The following LHFPL6 variants were observed in gnomAD, a reference collection of about 807,000 sequenced individuals.
The protein encoded by LHFPL6 is LHFPL tetraspan subfamily member 6.
In LHFPL6, 9 loss-of-function variants were observed where a neutral mutation model predicts 20.6. That is an observed-to-expected ratio of 0.44 (90% confidence interval 0.26 to 0.76). The LOEUF (loss-of-function observed/expected upper bound fraction) is 0.76, where lower values mean the gene tolerates loss of function less well. Among genes scored for constraint, LHFPL6 ranks in the 30% least tolerant of loss-of-function variants. The pLI is 0.20. For synonymous variants in LHFPL6, 105 were observed against 98.7 expected (o/e 1.06, Z -0.38); for missense variants, 218 against 253.5 (o/e 0.86, Z 0.95).
chr13:39,411,083 CAT>C (rs1184563107), intron 2 of LHFPL6, among the ~76,000 whole-genome samples: 1 of 152,160 alleles, frequency 6.6e-6, no homozygotes, highest in African/African-American at 2.4e-5. Flanking sequence ...ATAATAAACA[CAT>C]GTCTGCACGG....
chr13:39,456,440 A>T (rs911394058), intron 2 of LHFPL6, among the ~76,000 whole-genome samples: 1 of 152,238 alleles, frequency 6.6e-6, no homozygotes, highest in South Asian at 2.1e-4. Context: ...CCTGGCTTGA[A>T]GGAAATTAAA....
chr13:39,471,800 T>C (rs977958946), intron 2 of LHFPL6, among the ~76,000 whole-genome samples: 2 of 152,218 alleles, frequency 1.3e-5, no homozygotes, highest in East Asian at 3.9e-4. Flanking sequence ...TTTATTCTTG[T>C]AGGAAAAAGC....
intron 2 of LHFPL6, among the ~76,000 whole-genome samples, chr13:39,428,967 G>A (rs1299390291): frequency 6.6e-6 from 1 of 152,058 alleles, no homozygotes; most frequent in Non-Finnish European, 1.5e-5. Context: ...AAATAATGCA[G>A]TACTTTTCAG....
intron 2 of LHFPL6, among the ~76,000 whole-genome samples, chr13:39,400,533 C>T (rs1371685707): frequency 6.6e-6 from 1 of 152,054 alleles, no homozygotes; most frequent in African/African-American, 2.4e-5. Context: ...CCTGTAATCC[C>T]AGCACTTTGG....
chr13:39,418,527 G>A (rs559687782), intron 2 of LHFPL6, among the ~76,000 whole-genome samples: 5 of 151,964 alleles, frequency 3.3e-5, no homozygotes, highest in South Asian at 4.2e-4. Flanking sequence ...TGCAAGTAGC[G>A]TCTGGGGGAA....
intron 2 of LHFPL6, among the ~76,000 whole-genome samples, chr13:39,579,221 G>A (rs920236752): frequency 6.6e-6 from 1 of 152,144 alleles, no homozygotes; most frequent in Non-Finnish European, 1.5e-5. Context: ...TAGGAGTGAG[G>A]CAGGCATGCA....
intron 2 of LHFPL6, among the ~76,000 whole-genome samples, chr13:39,573,336 C>T (rs1593369542): frequency 6.6e-6 from 1 of 151,884 alleles, no homozygotes; most frequent in African/African-American, 2.4e-5. Context: ...TCTTAGCCTT[C>T]GAAAGGAAGG....
At chr13:39,414,817 G>GA (rs1871309800) in intron 2 of LHFPL6, among the ~76,000 whole-genome samples, 1 of 152,128 alleles carries the variant, frequency 6.6e-6, no homozygotes, top group South Asian at 2.1e-4. Context: ...TTGGCATTTA[G>GA]ACCCCTAAGA....
chr13:39,453,856 A>G (rs1166884575), intron 2 of LHFPL6, among the ~76,000 whole-genome samples: 4 of 152,230 alleles, frequency 2.6e-5, no homozygotes, highest in African/African-American at 9.6e-5. Flanking sequence ...GTTAAGGAAA[A>G]GAAGAATCTA....
chr13:39,416,972 G>A (rs1871365452), intron 2 of LHFPL6, among the ~76,000 whole-genome samples: 1 of 152,090 alleles, frequency 6.6e-6, no homozygotes, highest in South Asian at 2.1e-4. Context: ...ACATGTTTTT[G>A]TTTTAAAATG....
chr13:39,436,797 T>C (rs553964361), intron 2 of LHFPL6, among the ~76,000 whole-genome samples: 1 of 152,242 alleles, frequency 6.6e-6, no homozygotes, highest in South Asian at 2.1e-4. Context: ...GTGTGGCTTT[T>C]CAACATCCCA....
rs553946759 is a variant in LHFPL6 at position 39,455,321 on chromosome 13, T to C, written c.386-76795A>G. 2.8e-4 allele frequency among the ~76,000 whole-genome samples: 43 copies of C among 152,176 alleles called. 1 individual carries two copies. In the South Asian group the frequency reaches 7.9e-3, roughly 28 times the overall value. ...CCTGACCTGAAAACTGGGTTAGTCA[T>C]GGAAGAACACAGGGAGTGAAAAAGT... is the stretch of plus-strand genomic sequence containing the variant. On this transcript the variant is annotated intron_variant, in intron 2 of 3. Coordinates refer to ENST00000379589, the MANE Select transcript of LHFPL6 (RefSeq NM_005780.3).
At chr13:39,578,421 T>C in intron 2 of LHFPL6, among the ~76,000 whole-genome samples, 1 of 152,168 alleles carries the variant, frequency 6.6e-6, no homozygotes, top group Admixed American at 6.5e-5. Context: ...ACCAGAGATA[T>C]ATACATTTAA....
intron 3 of LHFPL6, among the ~76,000 whole-genome samples, chr13:39,349,591 C>G (rs1566090763): frequency 6.6e-6 from 1 of 152,092 alleles, no homozygotes; most frequent in Non-Finnish European, 1.5e-5. Context: ...ATTGTCTAGT[C>G]AAGGAAATAA....
chr13:39,595,452 C>A (rs1230891158), intron 2 of LHFPL6, among the ~76,000 whole-genome samples: 1 of 152,212 alleles, frequency 6.6e-6, no homozygotes, highest in Non-Finnish European at 1.5e-5. Context: ...GCCACCACAT[C>A]TGACTAATTT....
intron 3 of LHFPL6, among the ~76,000 whole-genome samples, chr13:39,378,079 G>A (rs1018030943): frequency 6.6e-6 from 1 of 152,072 alleles, no homozygotes; most frequent in Non-Finnish European, 1.5e-5. Context: ...TGACTATTTT[G>A]TTGTCACCTC....
intron 2 of LHFPL6, among the ~76,000 whole-genome samples, chr13:39,406,922 G>C (rs1008995663): frequency 6.6e-6 from 1 of 152,302 alleles, no homozygotes; most frequent in Non-Finnish European, 1.5e-5. Flanking sequence ...TTCTGAGATT[G>C]CAAGAGATCC....
intron 2 of LHFPL6, among the ~76,000 whole-genome samples, chr13:39,563,405 G>A (rs1871609288): frequency 6.6e-6 from 1 of 152,086 alleles, no homozygotes; most frequent in Non-Finnish European, 1.5e-5. Flanking sequence ...TACATCTTGT[G>A]CACAGGAAAA....
chr13:39,580,461 T>C (rs1872248588), intron 2 of LHFPL6, among the ~76,000 whole-genome samples: 1 of 152,154 alleles, frequency 6.6e-6, no homozygotes, highest in Non-Finnish European at 1.5e-5. Context: ...GCTAAGGAAA[T>C]GCAGTGGGAA....
Sources: gnomAD v4.1 joint callset for allele counts (sites outside exome capture counted in the v4.1 genomes callset) on GRCh38, gnomAD v4.1.1 for gene constraint, MANE v1.5 for transcripts, NCBI Gene and HGNC (gene_info 2026-07-23, HGNC 2026-07-21) for gene names.